NPAS2: variants seen among roughly 807,000 people sequenced by gnomAD.
NPAS2 encodes the protein neuronal PAS domain protein 2.
A neutral mutation model predicts 107.5 loss-of-function variants in NPAS2; 23 were observed. The ratio of observed to expected loss-of-function variants is 0.21; its 90% CI spans 0.15 to 0.30. The LOEUF (loss-of-function observed/expected upper bound fraction) is 0.30. Ranked by LOEUF, NPAS2 falls within the 10% of genes least tolerant of loss-of-function variation. The pLI is 1.00. For missense variants in NPAS2, 756 were observed against 1,043.3 expected (o/e 0.72, Z 3.79); for synonymous variants, 403 against 417.5 (o/e 0.97, Z 0.42).
rs5832943 is a variant in NPAS2 at position 100,910,523 on chromosome 2, C to CTT, written c.32+5753_32+5754dup. Among the ~76,000 whole-genome samples, 710 of 138,408 alleles carry CTT rather than the reference C, an allele frequency of 5.1e-3. 8 individuals carry two copies. Among genetic ancestry groups the CTT allele is most frequent in the African/African-American group, 0.016 (582 of 37,376 alleles). The allele number at this position is 138,408 out of a possible 152,430, so 90.8% of individuals were successfully genotyped here. ...TCCCCACACAGCCAGATGACATCTT[C>CTT]TTTTTTTTTTTTTTTTTAAGACAGA... On this transcript the variant is annotated intron_variant, in intron 2 of 20. Transcript: ENST00000335681.
intron 2 of NPAS2, among the ~76,000 whole-genome samples, chr2:100,912,779 T>A (rs1379860779): frequency 2.0e-5 from 3 of 152,260 alleles, no homozygotes; most frequent in Non-Finnish European, 4.4e-5. Flanking sequence ...AGCCAAACAT[T>A]GTCACTGCTG....
chr2:100,979,141 G>A (rs377037671), intron 15 of NPAS2, among the ~76,000 whole-genome samples: 9 of 152,234 alleles, frequency 5.9e-5, no homozygotes, highest in Admixed American at 1.3e-4. Context: ...ATGCTAACGC[G>A]TGCTGCTTGC....
chr2:100,929,367 G>A (rs1379037736), intron 3 of NPAS2, among the ~76,000 whole-genome samples: 1 of 152,194 alleles, frequency 6.6e-6, no homozygotes, highest in Non-Finnish European at 1.5e-5. Flanking sequence ...CACAAGGGGT[G>A]ATCTACAGGG....
At chr2:100,866,542 C>T (rs1186684282) in intron 1 of NPAS2, among the ~76,000 whole-genome samples, 1 of 152,100 alleles carries the variant, frequency 6.6e-6, no homozygotes, top group East Asian at 1.9e-4. Context: ...CATGTCTGAA[C>T]CTAAATGTGG....
chr2:100,835,988 C>T (rs1216050667), intron 1 of NPAS2, among the ~76,000 whole-genome samples: 1 of 152,188 alleles, frequency 6.6e-6, no homozygotes, highest in Non-Finnish European at 1.5e-5. Flanking sequence ...CTCGGTTTGA[C>T]TCCTGGGGAG....
chr2:100,880,800 G>A (rs1441034173), intron 1 of NPAS2, among the ~76,000 whole-genome samples: 2 of 152,188 alleles, frequency 1.3e-5, no homozygotes, highest in Admixed American at 1.3e-4. Flanking sequence ...CTGTCATTCT[G>A]TGTGACCCCT....
At chr2:100,949,329 C>T (rs754162469) in intron 6 of NPAS2, 38 bp from the exon 7 acceptor site, 7 of 1,195,818 alleles carry the variant, frequency 5.9e-6, no homozygotes, top group South Asian at 1.2e-5. Flanking sequence ...GCAATGCTCA[C>T]GACCCCTTTC....
intron 2 of NPAS2, among the ~76,000 whole-genome samples, chr2:100,924,043 T>C (rs1442985076): frequency 2.0e-5 from 3 of 152,188 alleles, no homozygotes; most frequent in Non-Finnish European, 2.9e-5. Context: ...TGATCTCTCC[T>C]ATAAGTGTGC....
rs545267653 is a variant in NPAS2 at position 100,996,536 on chromosome 2, A to G, written c.*954A>G. The G allele has an allele frequency of 6.5e-6, 1 of 152,760 alleles. No homozygotes were observed. Among genetic ancestry groups the G allele is most frequent in the East Asian group, 1.9e-4 (1 of 5,192 alleles). 9.5% of individuals were successfully genotyped at this position (152,760 alleles called of 1,614,324 possible). A position where few individuals can be genotyped will look rare whatever the true frequency, so the allele number is the denominator to read the frequency against. ...CATCTTTCTACATATCTTCATGAGA[A>G]TACTGAGAATTGGATTTTCCTTTTC... On this transcript the variant is annotated 3_prime_UTR_variant, in exon 21 of 21. Transcript: ENST00000335681.
Position 100,882,437 on chromosome 2 carries a change from A to G in NPAS2, c.-22-22296A>G, listed in dbSNP as rs539060285. Among the ~76,000 whole-genome samples the G allele has an allele frequency of 6.4e-4, 97 of 152,206 alleles. No individual in the cohort carries two copies. The South Asian group carries it at 7.3e-3, about 11-fold the overall frequency. On this transcript the variant is annotated intron_variant, in intron 1 of 20. Coordinates refer to ENST00000335681, the MANE Select transcript of NPAS2 (RefSeq NM_002518.4). ...ATCCTGGCTAACACAGTGAAACCCCATCTCTACTAAAAATACAAAAAAAAT... is the reference window on the plus strand; with the variant it reads ...ATCCTGGCTAACACAGTGAAACCCCGTCTCTACTAAAAATACAAAAAAAAT...
At chr2:100,923,867 G>T (rs1418047662) in intron 2 of NPAS2, among the ~76,000 whole-genome samples, 1 of 152,054 alleles carries the variant, frequency 6.6e-6, no homozygotes, top group Non-Finnish European at 1.5e-5. Flanking sequence ...ACTGCTTCCG[G>T]ACTTTTCAGG....
intron 1 of NPAS2, among the ~76,000 whole-genome samples, chr2:100,883,003 G>A (rs1198455424): frequency 6.6e-6 from 1 of 152,136 alleles, no homozygotes; most frequent in Non-Finnish European, 1.5e-5. Context: ...TGTAAGAAAA[G>A]GAAACTGACC....
Position 100,820,983 on chromosome 2 carries a change from T to G in NPAS2, c.-23+569T>G. The G allele has an allele frequency of 8.0e-7, 1 of 1,245,470 alleles. No homozygotes were observed. The highest frequency in any genetic ancestry group is 1.1e-6 in the Non-Finnish European group (1 of 947,662). The allele number at this position is 1,245,470 out of a possible 1,614,324, so 77.2% of individuals were successfully genotyped here. A position where few individuals can be genotyped will look rare whatever the true frequency, so the allele number is the denominator to read the frequency against. On this transcript the variant is annotated intron_variant, in intron 1 of 20. Coordinates refer to ENST00000335681, the MANE Select transcript of NPAS2 (RefSeq NM_002518.4). The surrounding 1 kb of genome is among the most constrained non-coding windows in gnomAD (Gnocchi z 5.6). ...ACAGCGTGCAGCCTGGCTCCTCACG[T>G]CGCTGCCGCCCCCCCACCCCAACTC...
chr2:100,958,333 T>G (rs1675702994), intron 7 of NPAS2, among the ~76,000 whole-genome samples: 1 of 152,186 alleles, frequency 6.6e-6, no homozygotes, highest in Admixed American at 6.5e-5. Flanking sequence ...TGGTTTGAAT[T>G]TTTTCCTTGC....
chr2:100,933,800 A>G (rs1183542318), intron 4 of NPAS2, among the ~76,000 whole-genome samples: 1 of 152,228 alleles, frequency 6.6e-6, no homozygotes, highest in African/African-American at 2.4e-5. Context: ...GGCATGACAT[A>G]TCCACGCCCG....
rs564165725 is a variant in NPAS2 at position 100,988,520 on chromosome 2, G to A, written c.1827+244G>A. On this transcript the variant is annotated intron_variant, in intron 17 of 20. Transcript: ENST00000335681. ...ATGTCCACCTCAGTCCCTTGCTCTC[G>A]TGCTTAAAGATATCACTCGGCTGAA... 3.5e-5 allele frequency: 18 copies of A among 516,900 alleles called. 1 individual carries two copies. Among genetic ancestry groups the A allele is most frequent in the South Asian group, 1.2e-4 (5 of 41,610 alleles). The allele number at this position is 516,900 out of a possible 1,614,324, so 32.0% of individuals were successfully genotyped here.
At chr2:100,973,178 C>CAA (rs1218358583) in intron 12 of NPAS2, among the ~76,000 whole-genome samples, 8 of 125,610 alleles carry the variant, frequency 6.4e-5, no homozygotes, top group Non-Finnish European at 1.4e-4. Flanking sequence ...GACTCCGTCT[C>CAA]AAAAAAAAAA....
At chr2:100,850,035 AAAGCAAG>A (rs1678059277) in intron 1 of NPAS2, among the ~76,000 whole-genome samples, 2 of 130,514 alleles carry the variant, frequency 1.5e-5, no homozygotes, top group Non-Finnish European at 1.6e-5. Context: ...AAAAAAAAAA[AAAGCAAG>A]AGAAAATAGA....
intron 1 of NPAS2, among the ~76,000 whole-genome samples, chr2:100,846,088 G>A (rs58819856): frequency 0.01 from 1,571 of 152,032 alleles, 29 homozygotes; most frequent in African/African-American, 0.035. Flanking sequence ...GCCAGCCCTC[G>A]GTGCCCACGA....
Sources: allele counts gnomAD v4.1 joint callset (sites outside exome capture counted in the v4.1 genomes callset), GRCh38; gene constraint gnomAD v4.1.1; non-coding constraint Gnocchi (gnomAD v3.1); transcripts MANE v1.5; gene names NCBI Gene and HGNC (gene_info 2026-07-23, HGNC 2026-07-21).